The following FANCB variants were observed in gnomAD, a reference collection of about 807,000 sequenced individuals.
FANCB encodes the protein Fanconi anemia group B protein.
FANCB carries 5 observed loss-of-function variants against 38.9 expected under a neutral mutation model. That is an observed-to-expected ratio of 0.13 (90% CI 0.07 to 0.27). The LOEUF is 0.27. Among genes scored for constraint, FANCB ranks in the 10% least tolerant of loss-of-function variants. The pLI, the probability that FANCB is intolerant of heterozygous loss-of-function variation, is 1.00. For synonymous variants in FANCB, 236 were observed against 215.4 expected (o/e 1.10, Z -0.84); for missense variants, 573 against 602.7 (o/e 0.95, Z 0.52).
the FANCB span, among the ~76,000 whole-genome samples, chrX:14,706,548 T>C: frequency 1.8e-5 from 2 of 112,320 alleles, no homozygotes; most frequent in African/African-American, 6.5e-5. Context: ...TATAGAGTAA[T>C]TTAACCCTAT....
chrX:14,844,863 T>C lies in FANCB; in HGVS notation c.1920A>G (p.Lys640=). 1 of 1,203,487 alleles carries C rather than the reference T, an allele frequency of 8.3e-7. No individual in the cohort carries two copies. The highest frequency in any genetic ancestry group is 1.7e-5 in the African/African-American group (1 of 57,344). ...GKYLLTFPKK[K]PIEHMEDLFA... The stretch of plus-strand genomic sequence containing the variant: ...AAGTGCCAACAAAATTACCTATAGG[T>C]TTCTTCTTTGGAAATGTCAGTAGGT... Residue 640 remains lysine, a synonymous_variant, in exon 8 of 10, where the codon AAA becomes AAG. Transcript: ENST00000650831.
At chrX:14,822,510 G>C in the FANCB span, among the ~76,000 whole-genome samples, 1 of 109,100 alleles carries the variant, frequency 9.2e-6, no homozygotes, top group South Asian at 4.0e-4. Context: ...AACTGGCCTA[G>C]TATTCCTAAC....
chrX:14,719,375 A>G, the FANCB span, among the ~76,000 whole-genome samples: 7 of 111,847 alleles, frequency 6.3e-5, no homozygotes, highest in Non-Finnish European at 1.3e-4. Flanking sequence ...AAATAATCCA[A>G]TTTAAAAATG....
chrX:14,732,368 A>AGAAT, the FANCB span, among the ~76,000 whole-genome samples: 3 of 112,243 alleles, frequency 2.7e-5, no homozygotes, highest in African/African-American at 9.7e-5. Context: ...TCTTTATAGC[A>AGAAT]GAATGATTTA....
At chrX:14,835,040 T>C (rs2092337597), downstream of FANCB, 4 of 578,267 alleles carry the variant, frequency 6.9e-6, no homozygotes, top group Non-Finnish European at 1.2e-5. Flanking sequence ...CTGGTGGTGT[T>C]ATTTCAAAGC....
the FANCB span, among the ~76,000 whole-genome samples, chrX:14,702,689 C>A: frequency 9.0e-6 from 1 of 111,192 alleles, no homozygotes; most frequent in Non-Finnish European, 1.9e-5. Context: ...AGGTTAAAAT[C>A]AAGGTATTGG....
intron 6 of FANCB, among the ~76,000 whole-genome samples, chrX:14,852,730 A>T (rs772492532): frequency 1.7e-4 from 19 of 112,234 alleles, no homozygotes; most frequent in African/African-American, 5.8e-4. Flanking sequence ...AGTAATTTCT[A>T]TCCAAACAAT....
chrX:14,807,515 C>A, the FANCB span, among the ~76,000 whole-genome samples: 1 of 111,808 alleles, frequency 8.9e-6, no homozygotes, highest in African/African-American at 3.3e-5. Flanking sequence ...GCAGTTATAA[C>A]CCCAAAGTTC....
At chrX:14,833,249 A>G (rs1053145546), downstream of FANCB, among the ~76,000 whole-genome samples, 9 of 112,363 alleles carry the variant, frequency 8.0e-5, no homozygotes, top group Non-Finnish European at 1.7e-4. Context: ...ATTACCTTGT[A>G]TTTATCCATT....
the FANCB span, among the ~76,000 whole-genome samples, chrX:14,712,252 G>GGATGTTCA: frequency 8.9e-6 from 1 of 112,244 alleles, no homozygotes. Context: ...GTGCATTGCA[G>GGATGTTCA]GATGTTCAGC....
At chrX:14,703,109 A>G in the FANCB span, among the ~76,000 whole-genome samples, 1 of 111,865 alleles carries the variant, frequency 8.9e-6, no homozygotes, top group Non-Finnish European at 1.9e-5. Context: ...ATGGCTAAAA[A>G]TCTGCTTGTT....
intron 1 of FANCB, among the ~76,000 whole-genome samples, chrX:14,869,592 T>C (rs2092485811): frequency 8.9e-6 from 1 of 112,066 alleles, no homozygotes. Flanking sequence ...TCATTTATGC[T>C]ATTTAATACA....
At chrX:14,798,460 C>A in the FANCB span, among the ~76,000 whole-genome samples, 1 of 111,941 alleles carries the variant, frequency 8.9e-6, no homozygotes, top group African/African-American at 3.3e-5. Context: ...CCGTGCCCAG[C>A]CTTCAAAATG....
chrX:14,801,318 A>G, the FANCB span, among the ~76,000 whole-genome samples: 9 of 112,028 alleles, frequency 8.0e-5, no homozygotes, highest in African/African-American at 2.9e-4. Context: ...ATCAGCTGAT[A>G]CTGATCTCAC....
chrX:14,739,037 T>G, the FANCB span, among the ~76,000 whole-genome samples: 1 of 111,947 alleles, frequency 8.9e-6, no homozygotes, highest in Non-Finnish European at 1.9e-5. Context: ...TAAAGCCAAT[T>G]TGTGGGATGA....
chrX:14,768,568 A>T, the FANCB span, among the ~76,000 whole-genome samples: 3 of 111,835 alleles, frequency 2.7e-5, no homozygotes, highest in Non-Finnish European at 5.6e-5. Flanking sequence ...GATTTGAGAC[A>T]TTGGGGTTTT....
At position 14,861,782 on chromosome X, in the gene FANCB, T is replaced by C. The variant is rs150070815; in HGVS notation, c.952-2448A>G. Among the ~76,000 whole-genome samples the C allele has an allele frequency of 8.0e-3, 903 of 112,644 alleles. 6 individuals are homozygous for C. The highest frequency in any genetic ancestry group is 0.014 in the Middle Eastern group (3 of 218). On this transcript the variant is annotated intron_variant, in intron 3 of 9. Transcript: ENST00000650831. ...GTAGTTACTTCTCTTAACCTGAGTT[T>C]TTGGCATAATTATTTCTACTCCCAC...
At chrX:14,768,831 T>G in the FANCB span, among the ~76,000 whole-genome samples, 1 of 111,502 alleles carries the variant, frequency 9.0e-6, no homozygotes, top group Admixed American at 9.5e-5. Flanking sequence ...TTGAGTTATC[T>G]TCCTTCAATA....
chrX:14,856,351 C>G (rs1459449426), intron 5 of FANCB, among the ~76,000 whole-genome samples: 3 of 112,023 alleles, frequency 2.7e-5, no homozygotes, highest in Non-Finnish European at 5.6e-5. Context: ...GGGTCACTCA[C>G]TATACATTCA....
Sources: gnomAD v4.1 joint callset for allele counts (sites outside exome capture counted in the v4.1 genomes callset) on GRCh38, gnomAD v4.1.1 for gene constraint, MANE v1.5 for transcripts, NCBI Gene and HGNC (gene_info 2026-07-23, HGNC 2026-07-21) for gene names.